SORT1: variants seen among roughly 807,000 people sequenced by gnomAD.
SORT1 encodes sortilin 1.
Under a neutral mutation model 101.7 loss-of-function variants are expected in SORT1, and 39 were observed. That is an observed-to-expected ratio of 0.38 (90% CI 0.30 to 0.50). The LOEUF is 0.50. Ranked by LOEUF, SORT1 falls within the 20% of genes least tolerant of loss-of-function variation. The pLI, the probability that SORT1 is intolerant of heterozygous loss-of-function variation, is 0.90. For missense variants in SORT1, 878 were observed against 1,040.4 expected (o/e 0.84, Z 2.15); for synonymous variants, 396 against 393.7 (o/e 1.01, Z -0.07).
At position 109,354,441 on chromosome 1, in the gene SORT1, G is replaced by T; in HGVS notation, c.634C>A (p.Leu212Ile). 2 of 1,613,100 alleles carry T rather than the reference G, an allele frequency of 1.2e-6. No homozygotes were observed. Among genetic ancestry groups the T allele is most frequent in the Non-Finnish European group, 1.7e-6 (2 of 1,179,108 alleles). The change falls in exon 5 of 20, where the codon CTC becomes ATC. Residue 212 changes from leucine (L) to isoleucine (I), a missense_variant. By Grantham distance (5) the Leu-to-Ile change is conservative. Around this residue, in one of 2 missense-constraint regions of SORT1, gnomAD observed 684 missense variants for 894.5 expected, o/e 0.76. Coordinates refer to ENST00000256637, the MANE Select transcript of SORT1 (RefSeq NM_002959.7). ...ATCTGAGTGAGAGGATGAAAAGGGA[G>T]ATCTGTTTGCACAAAATTCTTCGCA... ...DFAKNFVQTD[L>I]PFHPLTQMMY...
rs1650159785 is a variant in SORT1 at position 109,354,269 on chromosome 1, G to A, written c.708+98C>T. 6.9e-6 allele frequency: 6 copies of A among 873,744 alleles called. No homozygotes were observed. In the South Asian group the frequency reaches 1.1e-4, roughly 16 times the overall value. 54.1% of individuals were successfully genotyped at this position (873,744 alleles called of 1,614,324 possible). A position where few individuals can be genotyped will look rare whatever the true frequency, so the allele number is the denominator to read the frequency against. ...CATGCCATAAGGAGACTTGAAAGAA[G>A]TCCAATATTAAAAGCATTTCCTAAA... On this transcript the variant is annotated intron_variant, in intron 5 of 19. Coordinates refer to ENST00000256637, the MANE Select transcript of SORT1 (RefSeq NM_002959.7).
chr1:109,383,117 T>C (rs1350785764), intron 1 of SORT1, among the ~76,000 whole-genome samples: 1 of 152,168 alleles, frequency 6.6e-6, no homozygotes, highest in Admixed American at 6.5e-5. Flanking sequence ...AACTTACATG[T>C]TTAGTTACAC....
Position 109,346,325 on chromosome 1 carries a change from A to G in SORT1, c.833-444T>C, listed in dbSNP as rs538576861. On this transcript the variant is annotated intron_variant, in intron 7 of 19. Transcript: ENST00000256637. ...AAGACTCCGTCTCATAAAAAAAAAA[A>G]AAAAAAGTGATACAGCATTAGATAT... 4.0e-5 allele frequency among the ~76,000 whole-genome samples: 6 copies of G among 151,886 alleles called. No homozygotes were observed. The East Asian group carries it at 1.2e-3, about 29-fold the overall frequency.
At chr1:109,387,066 A>G (rs1285093091) in intron 1 of SORT1, among the ~76,000 whole-genome samples, 1 of 152,078 alleles carries the variant, frequency 6.6e-6, no homozygotes, top group East Asian at 1.9e-4. Flanking sequence ...TGAGGCAGGC[A>G]GATCACCTGA....
intron 3 of SORT1, among the ~76,000 whole-genome samples, chr1:109,364,751 C>CAAA (rs1317055450): frequency 6.6e-6 from 1 of 152,206 alleles, no homozygotes; most frequent in Non-Finnish European, 1.5e-5. Context: ...ATTTTAACAA[C>CAAA]TGGTACAGCA....
chr1:109,340,255 A>C (rs1055065569), intron 10 of SORT1, among the ~76,000 whole-genome samples: 9 of 152,240 alleles, frequency 5.9e-5, no homozygotes, highest in Non-Finnish European at 1.0e-4. Context: ...AACATGCTGC[A>C]ATGTGGCTGA....
chr1:109,394,506 G>A (rs1444103568), intron 1 of SORT1, among the ~76,000 whole-genome samples: 3 of 152,266 alleles, frequency 2.0e-5, no homozygotes, highest in Non-Finnish European at 2.9e-5. Flanking sequence ...AAGCCTGAGT[G>A]GTCATCAGGA....
At chr1:109,394,426 A>G (rs1351406302) in intron 1 of SORT1, among the ~76,000 whole-genome samples, 2 of 152,060 alleles carry the variant, frequency 1.3e-5, no homozygotes, top group Admixed American at 6.6e-5. Flanking sequence ...ATGATATGAG[A>G]AAAAAAACCT....
At chr1:109,360,043 A>G (rs748615508) in intron 3 of SORT1, among the ~76,000 whole-genome samples, 2 of 152,190 alleles carry the variant, frequency 1.3e-5, no homozygotes, top group Non-Finnish European at 2.9e-5. Flanking sequence ...GGTGACTCCA[A>G]ATAAGTCTAA....
At chr1:109,370,803 T>C (rs747817193) in intron 1 of SORT1, among the ~76,000 whole-genome samples, 5 of 152,152 alleles carry the variant, frequency 3.3e-5, no homozygotes, top group African/African-American at 4.8e-5. Context: ...CAGGAATACT[T>C]TGCACACTCA....
In SORT1 at chr1:109,364,616, T is replaced by C. The variant is rs544642670; in HGVS notation, c.440+2792A>G. 8.7e-4 allele frequency among the ~76,000 whole-genome samples: 133 copies of C among 152,260 alleles called. 1 individual carries two copies. Among genetic ancestry groups the C allele is most frequent in the Non-Finnish European group, 1.4e-3 (97 of 68,022 alleles). ...ATGAGTACCGACCCATCAGCATGGATGTAGGTCATAATGCCAGGTGTTAGT... is the reference window on the plus strand; with the variant it reads ...ATGAGTACCGACCCATCAGCATGGACGTAGGTCATAATGCCAGGTGTTAGT... On this transcript the variant is annotated intron_variant, in intron 3 of 19. Coordinates refer to ENST00000256637, the MANE Select transcript of SORT1 (RefSeq NM_002959.7).
intron 15 of SORT1, among the ~76,000 whole-genome samples, chr1:109,321,680 G>A (rs1423008349): frequency 6.6e-6 from 1 of 152,140 alleles, no homozygotes; most frequent in Non-Finnish European, 1.5e-5. Flanking sequence ...GAGAGAACAT[G>A]ACATAAAGGG....
At chr1:109,356,125 G>T (rs896138668) in intron 3 of SORT1, among the ~76,000 whole-genome samples, 1 of 152,130 alleles carries the variant, frequency 6.6e-6, no homozygotes, top group African/African-American at 2.4e-5. Context: ...GCCCGCCTCG[G>T]CCTCCCAAAG....
intron 3 of SORT1, among the ~76,000 whole-genome samples, chr1:109,365,091 C>G (rs990530714): frequency 6.6e-6 from 1 of 152,200 alleles, no homozygotes; most frequent in Non-Finnish European, 1.5e-5. Context: ...AGATAATAAA[C>G]TGCAAACAAA....
chr1:109,376,118 G>T (rs1386216186), intron 1 of SORT1, among the ~76,000 whole-genome samples: 1 of 152,016 alleles, frequency 6.6e-6, no homozygotes, highest in African/African-American at 2.4e-5. Flanking sequence ...CGAGGCGGGC[G>T]GATCACGAGG....
chr1:109,351,242 G>A (rs1279213566), intron 5 of SORT1, among the ~76,000 whole-genome samples: 1 of 152,214 alleles, frequency 6.6e-6, no homozygotes, highest in African/African-American at 2.4e-5. Context: ...TGTACCAGAT[G>A]TTGCACTGGG....
At chr1:109,353,250 C>T (rs1408157932) in intron 5 of SORT1, among the ~76,000 whole-genome samples, 2 of 151,368 alleles carry the variant, frequency 1.3e-5, no homozygotes, top group Non-Finnish European at 2.9e-5. Context: ...AGCACTTGTA[C>T]CCGGGAGGCG....
intron 8 of SORT1, among the ~76,000 whole-genome samples, chr1:109,342,409 CG>C (rs1234484647): frequency 1.3e-5 from 2 of 152,130 alleles, no homozygotes; most frequent in Non-Finnish European, 2.9e-5. Flanking sequence ...CATTCTGATG[CG>C]GCCCTGTAAG....
intron 14 of SORT1, among the ~76,000 whole-genome samples, chr1:109,324,510 GA>G (rs1647857654): frequency 6.6e-6 from 1 of 152,126 alleles, no homozygotes; most frequent in Non-Finnish European, 1.5e-5. Context: ...TGACACTTTG[GA>G]AACACTGTGC....
Sources: allele counts gnomAD v4.1 joint callset (sites outside exome capture counted in the v4.1 genomes callset), GRCh38; gene constraint gnomAD v4.1.1; regional missense constraint gnomAD v4.1.1; transcripts MANE v1.5; gene names NCBI Gene and HGNC (gene_info 2026-07-23, HGNC 2026-07-21).